The following SAP30BP variants were observed in gnomAD, a reference collection of about 807,000 sequenced individuals.
SAP30BP encodes SAP30 binding protein.
Under a neutral mutation model 46.3 loss-of-function variants are expected in SAP30BP, and 31 were observed. The ratio of observed to expected loss-of-function variants is 0.67; its 90% CI spans 0.50 to 0.90. The LOEUF is 0.90. Ranked by LOEUF, SAP30BP falls within the 40% of genes least tolerant of loss-of-function variation. The pLI, the probability that SAP30BP is intolerant of heterozygous loss-of-function variation, is 0.00. For missense variants in SAP30BP, 312 were observed against 391.0 expected (o/e 0.80, Z 1.70); for synonymous variants, 169 against 144.2 (o/e 1.17, Z -1.23).
chr17:75,687,407 C>T (rs1235561542), intron 3 of SAP30BP, among the ~76,000 whole-genome samples: 7 of 151,902 alleles, frequency 4.6e-5, no homozygotes, highest in Admixed American at 3.3e-4. Flanking sequence ...CTTGAGCCTA[C>T]GAGTTCAAGA....
chr17:75,687,712 TCTC>T (rs2148398016), intron 3 of SAP30BP, among the ~76,000 whole-genome samples: 1 of 152,260 alleles, frequency 6.6e-6, no homozygotes, highest in Non-Finnish European at 1.5e-5. Context: ...CTCCCCACCT[TCTC>T]CTGCCCCTTG....
At chr17:75,680,776 G>A (rs2035421838) in intron 3 of SAP30BP, among the ~76,000 whole-genome samples, 1 of 152,254 alleles carries the variant, frequency 6.6e-6, no homozygotes, top group African/African-American at 2.4e-5. Context: ...GCTCAAGCCT[G>A]TAATCCCAGC....
chr17:75,698,184 C>T (rs998416692), intron 4 of SAP30BP, among the ~76,000 whole-genome samples: 1 of 152,232 alleles, frequency 6.6e-6, no homozygotes, highest in Non-Finnish European at 1.5e-5. Flanking sequence ...CTGGAGAGAG[C>T]AAGGCCTGCC....
In SAP30BP at chr17:75,693,482, G is replaced by A. The variant is rs753642357; in HGVS notation, c.307G>A (p.Ala103Thr). The change falls in exon 4 of 11, where the codon GCC becomes ACC. Residue 103 changes from alanine to threonine, a missense_variant and splice_region_variant. Ala to Thr is a moderately conservative substitution (Grantham distance 58). This residue lies in a region of SAP30BP where 296 missense variants were observed against 346.6 expected (regional missense o/e 0.85). Coordinates refer to ENST00000584667, the MANE Select transcript of SAP30BP (RefSeq NM_013260.8). The part of the protein sequence containing the change: ...AEKRDPQELV[A>T]SFSERVRNMS... Reference sequence around the variant, plus strand: ...AAAGCGAGACCCCCAGGAACTCGTGGGTGAGTATTGGGGGATCCTGGGGGC... The same window carrying A: ...AAAGCGAGACCCCCAGGAACTCGTGAGTGAGTATTGGGGGATCCTGGGGGC... 8 of 1,613,806 alleles carry A rather than the reference G, an allele frequency of 5.0e-6. No individual in the cohort carries two copies. Among genetic ancestry groups the A allele is most frequent in the African/African-American group, 4.0e-5 (3 of 74,914 alleles).
intron 3 of SAP30BP, among the ~76,000 whole-genome samples, chr17:75,689,651 G>A (rs961097244): frequency 3.3e-5 from 5 of 152,214 alleles, no homozygotes; most frequent in Admixed American, 2.6e-4. Context: ...TTAACCAACT[G>A]AGAATTTCTA....
intron 5 of SAP30BP, among the ~76,000 whole-genome samples, chr17:75,701,860 A>G (rs901802274): frequency 6.6e-6 from 1 of 152,076 alleles, no homozygotes; most frequent in Non-Finnish European, 1.5e-5. Flanking sequence ...GGCTTTGTTC[A>G]TTATTTTCTC....
chr17:75,687,738 T>TG (rs1218813809), intron 3 of SAP30BP, among the ~76,000 whole-genome samples: 1 of 152,214 alleles, frequency 6.6e-6, no homozygotes, highest in Admixed American at 6.5e-5. Flanking sequence ...AGACTTTTAT[T>TG]GCAAGCCTAG....
At chr17:75,693,315 C>T (rs1458859012) in intron 3 of SAP30BP, 125 bp from the exon 4 acceptor site, 2 of 764,770 alleles carry the variant, frequency 2.6e-6, no homozygotes, top group Non-Finnish European at 4.4e-6. Flanking sequence ...CATCAGCTTA[C>T]CCTTAGTGTT....
chr17:75,682,792 A>G (rs182637122), intron 3 of SAP30BP, among the ~76,000 whole-genome samples: 15,075 of 150,650 alleles, frequency 0.1, 1,567 homozygotes, highest in East Asian at 0.39. Context: ...TGAAACCCCC[A>G]TCTCTACTAA....
At chr17:75,704,939 C>G in intron 9 of SAP30BP, 125 bp downstream of exon 9, 1 of 757,998 alleles carries the variant, frequency 1.3e-6, no homozygotes, top group Non-Finnish European at 2.3e-6. Context: ...CGGCGATGCT[C>G]TGAGCCTCTC....
intron 3 of SAP30BP, among the ~76,000 whole-genome samples, chr17:75,674,219 A>C (rs999102439): frequency 6.6e-6 from 1 of 152,214 alleles, no homozygotes; most frequent in Non-Finnish European, 1.5e-5. Flanking sequence ...AGCTGGCCTC[A>C]GACTCTCTTC....
In SAP30BP at chr17:75,703,376, G is replaced by T. The variant is rs763389549; in HGVS notation, c.549+5G>T. On this transcript the variant is annotated splice_donor_5th_base_variant and intron_variant, in intron 7 of 10. Transcript: ENST00000584667. ...CTTGGCACCAACTACCCAAAGGTGC[G>T]TCTGGCACACGGGGCTGGAGGGTGA... 5 of 1,613,410 alleles carry T rather than the reference G, an allele frequency of 3.1e-6. No individual in the cohort carries two copies. The highest frequency in any genetic ancestry group is 4.2e-6 in the Non-Finnish European group (5 of 1,179,554).
chr17:75,692,463 T>C (rs2060255500), intron 3 of SAP30BP: 1 of 984,500 alleles, frequency 1.0e-6, no homozygotes, highest in Non-Finnish European at 1.2e-6. Context: ...GTGTGGCCCT[T>C]GAGATTGTTG....
At chr17:75,675,396 A>G (rs1481510348) in intron 3 of SAP30BP, among the ~76,000 whole-genome samples, 3 of 151,650 alleles carry the variant, frequency 2.0e-5, no homozygotes, top group South Asian at 4.2e-4. Context: ...TTATCTGCCC[A>G]CCTCAGCCTC....
chr17:75,671,428 T>A (rs1272170533), intron 2 of SAP30BP, among the ~76,000 whole-genome samples: 1 of 152,228 alleles, frequency 6.6e-6, no homozygotes, highest in Non-Finnish European at 1.5e-5. Flanking sequence ...AATCCTGATT[T>A]GAAATAACTG....
chr17:75,671,865 T>TA lies in SAP30BP; in HGVS notation c.264+3dup, dbSNP rs780198338. On this transcript the variant is annotated splice_region_variant and intron_variant, in intron 3 of 10. Coordinates refer to ENST00000584667, the MANE Select transcript of SAP30BP (RefSeq NM_013260.8). ...AAACCTGAGGCTGATGACCCAAAGG[T>TA]ATTTGGTGTTGGCTGTGGTGGGTGG... 1 of 1,612,554 alleles carries TA rather than the reference T, an allele frequency of 6.2e-7. No individual in the cohort carries two copies.
chr17:75,682,692 A>ATG (rs2060095922), intron 3 of SAP30BP, among the ~76,000 whole-genome samples: 1 of 151,940 alleles, frequency 6.6e-6, no homozygotes, highest in Non-Finnish European at 1.5e-5. Context: ...GGCTGGGCGC[A>ATG]GTGGCTCATG....
At chr17:75,684,070 C>A (rs115892023) in intron 3 of SAP30BP, 1 of 152,180 alleles carries the variant, frequency 6.6e-6, no homozygotes, top group African/African-American at 2.4e-5. Flanking sequence ...CTAGAAACCG[C>A]TACCCTTTGC....
chr17:75,678,173 T>C (rs1021410749), intron 3 of SAP30BP, among the ~76,000 whole-genome samples: 1 of 152,058 alleles, frequency 6.6e-6, no homozygotes, highest in African/African-American at 2.4e-5. Flanking sequence ...AAAATAATCA[T>C]CATAATAAAA....
Sources: allele counts gnomAD v4.1 joint callset (sites outside exome capture counted in the v4.1 genomes callset), GRCh38; gene constraint gnomAD v4.1.1; regional missense constraint gnomAD v4.1.1; transcripts MANE v1.5; gene names NCBI Gene and HGNC (gene_info 2026-07-23, HGNC 2026-07-21).